The following KIAA1217 variants were observed in gnomAD, a reference collection of about 807,000 sequenced individuals.
The protein encoded by KIAA1217 is sickle tail protein homolog.
In KIAA1217, 88 loss-of-function variants were observed where a neutral mutation model predicts 163.9. That is an observed-to-expected ratio of 0.54 (90% CI 0.45 to 0.64). KIAA1217 has a LOEUF of 0.64. Ranked by LOEUF, KIAA1217 falls within the 30% of genes least tolerant of loss-of-function variation. KIAA1217 has a pLI of 0.00. For missense variants in KIAA1217, 2,372 were observed against 2,475.0 expected (o/e 0.96, Z 0.88); for synonymous variants, 903 against 923.1 (o/e 0.98, Z 0.39).
At chr10:24,362,943 A>AC (rs2050220636) in intron 2 of KIAA1217, among the ~76,000 whole-genome samples, 1 of 151,896 alleles carries the variant, frequency 6.6e-6, no homozygotes, top group Non-Finnish European at 1.5e-5. Context: ...TAATTAAAAA[A>AC]AAAGAAGAAG....
intron 2 of KIAA1217, among the ~76,000 whole-genome samples, chr10:24,160,583 G>C (rs1489454130): frequency 6.6e-6 from 1 of 152,054 alleles, no homozygotes; most frequent in Non-Finnish European, 1.5e-5. Context: ...TAAAACAATA[G>C]TTTCCCTGTT....
chr10:24,420,831 A>G (rs1352656972), intron 3 of KIAA1217, among the ~76,000 whole-genome samples: 1 of 152,116 alleles, frequency 6.6e-6, no homozygotes, highest in Non-Finnish European at 1.5e-5. Flanking sequence ...GCTCTCACAA[A>G]GTCTGTGTCT....
intron 5 of KIAA1217, among the ~76,000 whole-genome samples, chr10:24,453,323 G>A (rs374812174): frequency 7.9e-5 from 12 of 152,252 alleles, no homozygotes; most frequent in African/African-American, 2.6e-4. Context: ...GCCAGCTTTC[G>A]CTAATCCTCT....
At chr10:23,895,293 A>G (rs1841625953) in intron 1 of KIAA1217, among the ~76,000 whole-genome samples, 1 of 152,196 alleles carries the variant, frequency 6.6e-6, no homozygotes, top group Non-Finnish European at 1.5e-5. Context: ...ACAAATTTAC[A>G]AGAAAAAAAC....
Position 24,547,303 on chromosome 10 carries a change from T to C in KIAA1217, c.*979T>C, listed in dbSNP as rs1374630206. On this transcript the variant is annotated 3_prime_UTR_variant, in exon 21 of 21. Transcript: ENST00000376454. ...TTTCCCACACCAAAGTTAATTTTTA[T>C]GCATGCTTTAAAAGTATATATCGGG... 1 of 152,646 alleles carries C rather than the reference T, an allele frequency of 6.6e-6. No homozygotes were observed. Among genetic ancestry groups the C allele is most frequent in the African/African-American group, 2.4e-5 (1 of 41,452 alleles). The allele number at this position is 152,646 out of a possible 1,614,324, so 9.5% of individuals were successfully genotyped here.
chr10:23,990,907 T>C (rs1442826465), intron 1 of KIAA1217, among the ~76,000 whole-genome samples: 5 of 152,244 alleles, frequency 3.3e-5, no homozygotes, highest in African/African-American at 1.2e-4. Flanking sequence ...AGAAAGAACG[T>C]TGGAGAACAA....
At chr10:23,860,088 C>T (rs186260705) in intron 1 of KIAA1217, among the ~76,000 whole-genome samples, 11 of 152,246 alleles carry the variant, frequency 7.2e-5, no homozygotes, top group African/African-American at 1.4e-4. Flanking sequence ...TCCTGCCCCT[C>T]GTACGTTCTG....
At position 23,811,637 on chromosome 10, in the gene KIAA1217, T is replaced by C. The variant is rs886852002; in HGVS notation, c.-321+116403T>C. Among the ~76,000 whole-genome samples the C allele has an allele frequency of 2.0e-5, 3 of 151,862 alleles. 1 individual carries two copies. In the South Asian group the frequency reaches 6.2e-4, roughly 32 times the overall value. On this transcript the variant is annotated intron_variant, in intron 1 of 18. Transcript: ENST00000376462. ...GGGAAGCTGGAATTAGATGTACAACTTGGGAAATGACTGCACTCTTCCAAG... is the reference window on the plus strand; with the variant it reads ...GGGAAGCTGGAATTAGATGTACAACCTGGGAAATGACTGCACTCTTCCAAG...
chr10:23,799,977 G>C (rs754442821), intron 1 of KIAA1217, among the ~76,000 whole-genome samples: 2 of 152,094 alleles, frequency 1.3e-5, no homozygotes, highest in African/African-American at 2.4e-5. Flanking sequence ...GATTTCTTTT[G>C]CCTCGCCTGT....
chr10:24,096,584 T>G (rs994787805), intron 2 of KIAA1217, among the ~76,000 whole-genome samples: 4 of 152,202 alleles, frequency 2.6e-5, no homozygotes, highest in Non-Finnish European at 5.9e-5. Context: ...TGGCCCCTGG[T>G]GACCTCCCCA....
chr10:23,818,000 T>C (rs573844954), intron 1 of KIAA1217, among the ~76,000 whole-genome samples: 2,740 of 103,188 alleles, frequency 0.027, 179 homozygotes, highest in African/African-American at 0.11. Flanking sequence ...TATATATATA[T>C]ATATATATAC....
At chr10:24,211,361 C>CTCTTTT (rs1375635189) in intron 1 of KIAA1217, among the ~76,000 whole-genome samples, 3 of 60,208 alleles carry the variant, frequency 5.0e-5, no homozygotes, top group African/African-American at 1.3e-4. Flanking sequence ...GGTGGGACTA[C>CTCTTTT]TTTTTTTTTT....
chr10:24,469,500 C>T (rs1055578635), intron 5 of KIAA1217, among the ~76,000 whole-genome samples: 1 of 151,842 alleles, frequency 6.6e-6, no homozygotes, highest in Non-Finnish European at 1.5e-5. Flanking sequence ...GGATCGTAGT[C>T]CCCCAGATAA....
intron 2 of KIAA1217, chr10:24,239,256 G>A (rs1219603013): frequency 1.0e-6 from 1 of 985,270 alleles, no homozygotes; most frequent in Non-Finnish European, 1.2e-6. Context: ...GAAGACCCTG[G>A]AGTCCGTTCC....
At chr10:23,993,172 C>T (rs1224510762) in intron 1 of KIAA1217, among the ~76,000 whole-genome samples, 8 of 151,524 alleles carry the variant, frequency 5.3e-5, no homozygotes, top group Non-Finnish European at 1.0e-4. Flanking sequence ...GCTGGGATTA[C>T]AGGCACCAGC....
chr10:24,182,574 T>C (rs148436905), intron 2 of KIAA1217, among the ~76,000 whole-genome samples: 28 of 152,230 alleles, frequency 1.8e-4, no homozygotes, highest in African/African-American at 6.7e-4. Context: ...TTTGCATGGA[T>C]TGTATTTATG....
intron 2 of KIAA1217, among the ~76,000 whole-genome samples, chr10:24,299,915 C>T (rs1297117974): frequency 2.0e-5 from 3 of 152,108 alleles, no homozygotes; most frequent in African/African-American, 7.2e-5. Flanking sequence ...CTTTAGACCC[C>T]CAGAAGCTGT....
intron 1 of KIAA1217, among the ~76,000 whole-genome samples, chr10:23,955,920 C>A (rs1218243820): frequency 6.6e-6 from 1 of 152,074 alleles, no homozygotes; most frequent in Non-Finnish European, 1.5e-5. Flanking sequence ...CAATCAGAGG[C>A]CTGCAATCTT....
chr10:23,833,115 T>C (rs927158830), intron 1 of KIAA1217, among the ~76,000 whole-genome samples: 2 of 152,182 alleles, frequency 1.3e-5, no homozygotes, highest in African/African-American at 4.8e-5. Flanking sequence ...TTAGGCTTTA[T>C]ATCTAGACTC....
Sources: allele counts gnomAD v4.1 joint callset (sites outside exome capture counted in the v4.1 genomes callset), GRCh38; gene constraint gnomAD v4.1.1; transcripts MANE v1.5; gene names NCBI Gene and HGNC (gene_info 2026-07-23, HGNC 2026-07-21).